The following SGCZ variants were observed in gnomAD, a reference collection of about 807,000 sequenced individuals.
SGCZ encodes sarcoglycan zeta.
Under a neutral mutation model 41.3 loss-of-function variants are expected in SGCZ, and 40 were observed. That is an observed-to-expected ratio of 0.97 (90% CI 0.75 to 1.26). SGCZ has a LOEUF of 1.26. Among genes scored for constraint, SGCZ ranks in the 50% most tolerant of loss-of-function variants. The pLI is 0.00. For synonymous variants in SGCZ, 206 were observed against 137.5 expected, an observed-to-expected ratio of 1.50 and a Z score of -3.49; for missense variants, 552 against 369.8, an observed-to-expected ratio of 1.49 and a Z score of -4.04.
intron 2 of SGCZ, among the ~76,000 whole-genome samples, chr8:14,445,324 G>A (rs1016405950): frequency 5.9e-5 from 9 of 152,130 alleles, no homozygotes; most frequent in Non-Finnish European, 4.4e-5. Flanking sequence ...TTTACTAATC[G>A]AATGTTGCCT....
At position 14,704,922 on chromosome 8, in the gene SGCZ, G is replaced by A. The variant is rs189159587; in HGVS notation, c.40-149996C>T. Among the ~76,000 whole-genome samples, 11 of 152,046 alleles carry A rather than the reference G, an allele frequency of 7.2e-5. No individual in the cohort carries two copies. The East Asian group carries it at 1.5e-3, about 21-fold the overall frequency. On this transcript the variant is annotated intron_variant, in intron 1 of 7. Transcript: ENST00000382080. ...ACTATAAGAATCGATGCAACTATCA[G>A]TCAATGTTTTGTTCACTGGTAATAG...
intron 1 of SGCZ, among the ~76,000 whole-genome samples, chr8:14,595,755 C>G: frequency 6.6e-6 from 1 of 152,178 alleles, no homozygotes; most frequent in East Asian, 1.9e-4. Flanking sequence ...CAAATTCTTT[C>G]CATAATAGCT....
At chr8:15,122,762 T>C (rs1807529671) in intron 1 of SGCZ, among the ~76,000 whole-genome samples, 1 of 152,192 alleles carries the variant, frequency 6.6e-6, no homozygotes, top group African/African-American at 2.4e-5. Flanking sequence ...TAAACTTAGT[T>C]ATGAATATCA....
chr8:14,956,039 C>CT (rs71884770), intron 1 of SGCZ, among the ~76,000 whole-genome samples: 5,873 of 120,154 alleles, frequency 0.049, 445 homozygotes, highest in African/African-American at 0.15. Context: ...ACTACTTTTA[C>CT]TTTTTTTTTT....
At chr8:14,927,294 A>G (rs1285629508) in intron 1 of SGCZ, among the ~76,000 whole-genome samples, 1 of 151,714 alleles carries the variant, frequency 6.6e-6, no homozygotes, top group African/African-American at 2.4e-5. Flanking sequence ...TATATTTAGT[A>G]GAGATGGGGT....
At chr8:14,131,158 A>G (rs1008015410) in intron 5 of SGCZ, among the ~76,000 whole-genome samples, 2 of 152,138 alleles carry the variant, frequency 1.3e-5, no homozygotes, top group African/African-American at 4.8e-5. Flanking sequence ...TTTCCTTGGA[A>G]TGAAGCAACG....
At chr8:14,424,001 G>A (rs1219329216) in intron 2 of SGCZ, among the ~76,000 whole-genome samples, 1 of 152,158 alleles carries the variant, frequency 6.6e-6, no homozygotes, top group African/African-American at 2.4e-5. Context: ...AAGTATATGA[G>A]TTATTGTTGG....
chr8:14,529,975 C>G (rs566217131), intron 2 of SGCZ, among the ~76,000 whole-genome samples: 1 of 152,064 alleles, frequency 6.6e-6, no homozygotes, highest in South Asian at 2.1e-4. Context: ...TAAGAATGCA[C>G]AAGTGCTGCA....
intron 1 of SGCZ, among the ~76,000 whole-genome samples, chr8:14,724,776 A>C (rs1809999493): frequency 6.6e-6 from 1 of 152,110 alleles, no homozygotes; most frequent in African/African-American, 2.4e-5. Context: ...TAAGCATATA[A>C]TGTTTAATGA....
At chr8:14,276,358 A>C (rs1041730104) in intron 3 of SGCZ, among the ~76,000 whole-genome samples, 1 of 152,120 alleles carries the variant, frequency 6.6e-6, no homozygotes, top group African/African-American at 2.4e-5. Flanking sequence ...CTCATTGCTT[A>C]GCATGGTGAC....
At chr8:14,483,569 TCAGAAA>T (rs1032500178) in intron 2 of SGCZ, among the ~76,000 whole-genome samples, 2 of 152,136 alleles carry the variant, frequency 1.3e-5, no homozygotes, top group African/African-American at 4.8e-5. Context: ...ACACCCTGTC[TCAGAAA>T]CAAAACACAC....
intron 3 of SGCZ, among the ~76,000 whole-genome samples, chr8:14,316,967 T>G (rs1393219313): frequency 6.6e-6 from 1 of 151,722 alleles, no homozygotes; most frequent in Non-Finnish European, 1.5e-5. Context: ...ACCCCTACAT[T>G]CCCAATTCTT....
At chr8:14,504,215 T>C (rs995139642) in intron 2 of SGCZ, among the ~76,000 whole-genome samples, 5 of 152,244 alleles carry the variant, frequency 3.3e-5, no homozygotes, top group Admixed American at 6.5e-5. Flanking sequence ...TTAAATGTCA[T>C]CTTCAGATTG....
intron 1 of SGCZ, among the ~76,000 whole-genome samples, chr8:14,975,323 C>CA (rs1289026841): frequency 2.0e-5 from 3 of 151,874 alleles, no homozygotes; most frequent in Admixed American, 2.0e-4. Context: ...AAAACAAAAA[C>CA]AAAAAAGAAT....
At chr8:14,245,322 C>A (rs34522499) in intron 3 of SGCZ, among the ~76,000 whole-genome samples, 1 of 151,896 alleles carries the variant, frequency 6.6e-6, no homozygotes, top group Non-Finnish European at 1.5e-5. Flanking sequence ...TTTGACAAAC[C>A]TGACAAAAAC....
At chr8:14,989,819 A>G (rs1207079490) in intron 1 of SGCZ, among the ~76,000 whole-genome samples, 1 of 152,220 alleles carries the variant, frequency 6.6e-6, no homozygotes, top group African/African-American at 2.4e-5. Context: ...AAAAACATCC[A>G]TATCCATTAC....
intron 2 of SGCZ, among the ~76,000 whole-genome samples, chr8:14,352,261 C>T (rs1803126955): frequency 6.6e-6 from 1 of 151,906 alleles, no homozygotes; most frequent in African/African-American, 2.4e-5. Context: ...TCAGTATCAG[C>T]TACTGAGTGA....
intron 2 of SGCZ, among the ~76,000 whole-genome samples, chr8:14,493,359 CTTTTTTTTTTTTTTT>C (rs57898016): frequency 0.011 from 499 of 44,312 alleles, 27 homozygotes; most frequent in East Asian, 0.027. Flanking sequence ...ATCATCCTTT[CTTTTTTTTTTTTTTT>C]TTTTTTTTTT....
intron 2 of SGCZ, among the ~76,000 whole-genome samples, chr8:14,494,855 T>C (rs1027017164): frequency 1.3e-5 from 2 of 152,176 alleles, no homozygotes; most frequent in Admixed American, 6.5e-5. Context: ...ATTATTAGAC[T>C]TCAGAGCATT....
Sources: allele counts gnomAD v4.1 joint callset (sites outside exome capture counted in the v4.1 genomes callset), GRCh38; gene constraint gnomAD v4.1.1; transcripts MANE v1.5; gene names NCBI Gene and HGNC (gene_info 2026-07-23, HGNC 2026-07-21).